PLAG1: variants seen among roughly 807,000 people sequenced by gnomAD.
PLAG1 encodes the protein zinc finger protein PLAG1.
Under a neutral mutation model 35.5 loss-of-function variants are expected in PLAG1, and 7 were observed. The ratio of observed to expected loss-of-function variants is 0.20; its 90% CI spans 0.11 to 0.37. PLAG1 has a LOEUF of 0.37. Among genes scored for constraint, PLAG1 ranks in the 10% least tolerant of loss-of-function variants. The pLI is 1.00. For synonymous variants in PLAG1, 229 were observed against 225.4 expected (o/e 1.02, Z -0.14); for missense variants, 454 against 602.8 (o/e 0.75, Z 2.58).
At chr8:56,196,130 CT>C (rs1812358293) in intron 1 of PLAG1, among the ~76,000 whole-genome samples, 1 of 152,110 alleles carries the variant, frequency 6.6e-6, no homozygotes, top group South Asian at 2.1e-4. Flanking sequence ...GTAGAACGAG[CT>C]GGGGAGCCAA....
chr8:56,210,706 G>A (rs762189590), intron 1 of PLAG1, among the ~76,000 whole-genome samples: 1 of 151,900 alleles, frequency 6.6e-6, no homozygotes, highest in Non-Finnish European at 1.5e-5. Flanking sequence ...TATTTTTCGG[G>A]TCTCTAATGT....
At chr8:56,174,397 G>T (rs1461388501) in intron 2 of PLAG1, among the ~76,000 whole-genome samples, 2 of 152,130 alleles carry the variant, frequency 1.3e-5, no homozygotes, top group Admixed American at 6.5e-5. Context: ...TAACTTCGGT[G>T]TTTCTGCATA....
chr8:56,180,946 TCAAA>T (rs1181443596), intron 1 of PLAG1, among the ~76,000 whole-genome samples: 1 of 152,162 alleles, frequency 6.6e-6, no homozygotes, highest in African/African-American at 2.4e-5. Context: ...ATGAAATGTT[TCAAA>T]CAAACATATG....
chr8:56,179,753 T>TTTTTA (rs71256591), intron 1 of PLAG1, among the ~76,000 whole-genome samples: 21,716 of 152,160 alleles, frequency 0.14, 1,778 homozygotes, highest in Middle Eastern at 0.2. Flanking sequence ...ATTATTCACA[T>TTTTTA]TTTTGATAAA....
chr8:56,190,882 T>C (rs1206060363), intron 1 of PLAG1, among the ~76,000 whole-genome samples: 2 of 152,148 alleles, frequency 1.3e-5, no homozygotes, highest in African/African-American at 4.8e-5. Flanking sequence ...TGAGCAGTTT[T>C]CAAGGATGAG....
chr8:56,191,184 G>A (rs1812171106), intron 1 of PLAG1, among the ~76,000 whole-genome samples: 1 of 152,168 alleles, frequency 6.6e-6, no homozygotes, highest in Non-Finnish European at 1.5e-5. Flanking sequence ...GAAAAGGCAG[G>A]AGGAGAGGAT....
chr8:56,194,585 G>T (rs1444961119), intron 1 of PLAG1, among the ~76,000 whole-genome samples: 1 of 151,890 alleles, frequency 6.6e-6, no homozygotes, highest in Non-Finnish European at 1.5e-5. Context: ...GGGTGTGTGT[G>T]TGTGTGTGTG....
intron 1 of PLAG1, among the ~76,000 whole-genome samples, chr8:56,183,232 A>G (rs1811923545): frequency 6.6e-6 from 1 of 152,244 alleles, no homozygotes; most frequent in South Asian, 2.1e-4. Flanking sequence ...AATCAAAGCC[A>G]TATAAAAGTT....
intron 1 of PLAG1, among the ~76,000 whole-genome samples, chr8:56,203,750 A>G (rs1330399401): frequency 6.6e-6 from 1 of 152,004 alleles, no homozygotes; most frequent in Non-Finnish European, 1.5e-5. Flanking sequence ...TTATACATCT[A>G]TTTCTATTCT....
At chr8:56,203,553 G>A (rs1000763454) in intron 1 of PLAG1, among the ~76,000 whole-genome samples, 1 of 152,020 alleles carries the variant, frequency 6.6e-6, no homozygotes, top group African/African-American at 2.4e-5. Context: ...TTATTTGTTT[G>A]TATGACAGTA....
At chr8:56,182,459 T>C (rs76516633) in intron 1 of PLAG1, among the ~76,000 whole-genome samples, 5,762 of 151,684 alleles carry the variant, frequency 0.038, 378 homozygotes, top group African/African-American at 0.13. Context: ...AGACCAGAGA[T>C]AGAACTTCAA....
chr8:56,207,611 A>T (rs967442292), intron 1 of PLAG1, among the ~76,000 whole-genome samples: 3 of 152,104 alleles, frequency 2.0e-5, no homozygotes, highest in Non-Finnish European at 4.4e-5. Flanking sequence ...AATTTCAAGT[A>T]GCAAAAGTAG....
rs1811208773 is a variant in PLAG1, at chr8:56,161,771, C to T, written c.*4472G>A. On this transcript the variant is annotated 3_prime_UTR_variant, in exon 5 of 5. Coordinates refer to ENST00000316981, the MANE Select transcript of PLAG1 (RefSeq NM_002655.3). ...AATGAGACAGAGAAGTTTGTAGCAC[C>T]ATGAAGAGTTGTAGCCCAAGTTACA... 2 of 230,136 alleles carry T rather than the reference C, an allele frequency of 8.7e-6. No homozygotes were observed. The highest frequency in any genetic ancestry group is 4.4e-5 in the African/African-American group (2 of 45,142). 14.3% of individuals were successfully genotyped at this position (230,136 alleles called of 1,614,324 possible).
At chr8:56,177,622 T>C (rs1171895063) in intron 2 of PLAG1, among the ~76,000 whole-genome samples, 2 of 152,210 alleles carry the variant, frequency 1.3e-5, no homozygotes, top group Non-Finnish European at 2.9e-5. Flanking sequence ...GCAGGGATAC[T>C]ATTATTCATC....
chr8:56,166,158 GT>G lies in PLAG1; in HGVS notation c.*84del. On this transcript the variant is annotated 3_prime_UTR_variant, in exon 5 of 5. Coordinates refer to ENST00000316981, the MANE Select transcript of PLAG1 (RefSeq NM_002655.3). ...ATACAAAAGCAGAAATTTTTATACTGTTTTAAAGTAGGCACTAAAATAAAAA... is the reference window on the plus strand; with the variant it reads ...ATACAAAAGCAGAAATTTTTATACTGTTTAAAGTAGGCACTAAAATAAAAA... 3 of 972,430 alleles carry G rather than the reference GT, an allele frequency of 3.1e-6. No homozygotes were observed. The highest frequency in any genetic ancestry group is 4.6e-6 in the Non-Finnish European group (3 of 654,100). The allele number at this position is 972,430 out of a possible 1,614,324, so 60.2% of individuals were successfully genotyped here. A position where few individuals can be genotyped will look rare whatever the true frequency, so the allele number is the denominator to read the frequency against.
At chr8:56,210,980 G>C (rs1812887998) in intron 1 of PLAG1, 141 bp downstream of exon 1, 1 of 152,396 alleles carries the variant, frequency 6.6e-6, no homozygotes, top group African/African-American at 2.4e-5. Context: ...CCTGAGCAGG[G>C]GCTGAGAGTA....
intron 1 of PLAG1, among the ~76,000 whole-genome samples, chr8:56,202,057 C>T (rs1311520536): frequency 2.0e-5 from 3 of 151,372 alleles, no homozygotes; most frequent in African/African-American, 7.3e-5. Context: ...GGATCAGAAC[C>T]TCTGCTTTCT....
At position 56,165,336 on chromosome 8, in the gene PLAG1, G is replaced by A. The variant is rs1811322849; in HGVS notation, c.*907C>T. On this transcript the variant is annotated 3_prime_UTR_variant, in exon 5 of 5. Coordinates refer to ENST00000316981, the MANE Select transcript of PLAG1 (RefSeq NM_002655.3). ...AGTTCCACAATGGCTCTAGATTATGGACTAACCGTGGGCCAACAATGAAAA... is the reference window on the plus strand; with the variant it reads ...AGTTCCACAATGGCTCTAGATTATGAACTAACCGTGGGCCAACAATGAAAA... 1 of 216,676 alleles carries A rather than the reference G, an allele frequency of 4.6e-6. No homozygotes were observed. Among genetic ancestry groups the A allele is most frequent in the Non-Finnish European group, 9.3e-6 (1 of 107,720 alleles). The allele number at this position is 216,676 out of a possible 1,614,324, so 13.4% of individuals were successfully genotyped here. A position where few individuals can be genotyped will look rare whatever the true frequency, so the allele number is the denominator to read the frequency against.
At chr8:56,207,587 T>A (rs1291380235) in intron 1 of PLAG1, among the ~76,000 whole-genome samples, 2 of 152,110 alleles carry the variant, frequency 1.3e-5, no homozygotes, top group Non-Finnish European at 2.9e-5. Flanking sequence ...CCACAGCAGA[T>A]AAATTCTTTA....
Sources: gnomAD v4.1 joint callset for allele counts (sites outside exome capture counted in the v4.1 genomes callset) on GRCh38, gnomAD v4.1.1 for gene constraint, MANE v1.5 for transcripts, NCBI Gene and HGNC (gene_info 2026-07-23, HGNC 2026-07-21) for gene names.